Variants in GLDN observed in about 807,000 individuals in gnomAD.
GLDN encodes gliomedin, also known as collomin.
In GLDN, 47 loss-of-function variants were observed where a neutral mutation model predicts 56.5. That is an observed-to-expected ratio of 0.83 (90% CI 0.66 to 1.06). GLDN has a LOEUF of 1.06. Among genes scored for constraint, GLDN ranks in the 50% least tolerant of loss-of-function variants. The pLI is 0.00. For missense variants in GLDN, 782 were observed against 714.3 expected (o/e 1.09, Z -1.08); for synonymous variants, 332 against 278.8 (o/e 1.19, Z -1.90).
At chr15:51,353,093 A>T (rs2037105500) in intron 1 of GLDN, among the ~76,000 whole-genome samples, 1 of 152,158 alleles carries the variant, frequency 6.6e-6, no homozygotes, top group South Asian at 2.1e-4. Flanking sequence ...CTGCATTCTG[A>T]TGGATCAGCT....
At chr15:51,385,131 G>A (rs1274975832) in intron 4 of GLDN, 8 of 152,154 alleles carry the variant, frequency 5.3e-5, no homozygotes, top group South Asian at 2.1e-4. Flanking sequence ...GCAATGGATC[G>A]TTCATATAGG....
At chr15:51,362,911 AGTT>A (rs2037328619) in intron 1 of GLDN, among the ~76,000 whole-genome samples, 1 of 151,950 alleles carries the variant, frequency 6.6e-6, no homozygotes, top group East Asian at 1.9e-4. Flanking sequence ...ATGTGATGTG[AGTT>A]GAGCTGATAA....
rs1204855446 is a variant in GLDN, at chr15:51,397,458, C to G, written c.689-12C>G. ...TGCCTCCTTCTCTCCCTTTCTCTCTCTCTCTCTCCAGGTGCCAAAGGTGAC... is the reference window on the plus strand; with the variant it reads ...TGCCTCCTTCTCTCCCTTTCTCTCTGTCTCTCTCCAGGTGCCAAAGGTGAC... On this transcript the variant is annotated splice_polypyrimidine_tract_variant and intron_variant, in intron 5 of 9. Transcript: ENST00000335449. The G allele has an allele frequency of 2.8e-6, 4 of 1,431,306 alleles. No homozygotes were observed. The highest frequency in any genetic ancestry group is 3.7e-6 in the Non-Finnish European group (4 of 1,079,948). 88.7% of individuals were successfully genotyped at this position (1,431,306 alleles called of 1,614,324 possible).
intron 1 of GLDN, among the ~76,000 whole-genome samples, chr15:51,376,574 A>G (rs975561460): frequency 1.3e-5 from 2 of 152,274 alleles, no homozygotes; most frequent in Non-Finnish European, 1.5e-5. Context: ...ACCTTAGCTT[A>G]CTGTGACATG....
intron 1 of GLDN, among the ~76,000 whole-genome samples, chr15:51,355,993 G>T (rs1389211768): frequency 6.7e-6 from 1 of 149,570 alleles, no homozygotes; most frequent in Admixed American, 6.6e-5. Flanking sequence ...GGATCACGAG[G>T]TCAGAAGATC....
intron 9 of GLDN, 48 bp downstream of exon 9, chr15:51,401,791 G>T: frequency 1.3e-6 from 2 of 1,571,878 alleles, no homozygotes; most frequent in Non-Finnish European, 1.7e-6. Context: ...CAGCACCTGT[G>T]CTGTGGTGCT....
intron 1 of GLDN, among the ~76,000 whole-genome samples, chr15:51,358,162 A>T (rs148755727): frequency 4.6e-5 from 7 of 152,350 alleles, no homozygotes; most frequent in Non-Finnish European, 1.0e-4. Context: ...GCCGAAAACA[A>T]TATAATAGAT....
intron 3 of GLDN, 51 bp from the exon 4 acceptor site, chr15:51,383,734 A>T: frequency 7.9e-7 from 1 of 1,261,746 alleles, no homozygotes; most frequent in Non-Finnish European, 1.1e-6. Context: ...TTCAGTGAAT[A>T]ATTTTTTTTT....
chr15:51,382,552 C>T (rs1400171227), intron 2 of GLDN, among the ~76,000 whole-genome samples: 3 of 148,558 alleles, frequency 2.0e-5, no homozygotes, highest in Non-Finnish European at 4.4e-5. Context: ...CCTGTCTCTA[C>T]TAAAAATACA....
At chr15:51,410,189 A>G (rs568273767), downstream of GLDN, among the ~76,000 whole-genome samples, 1 of 152,346 alleles carries the variant, frequency 6.6e-6, no homozygotes, top group Admixed American at 6.5e-5. Context: ...GCCCAAGTGG[A>G]AAAGTCCTTA....
chr15:51,382,159 G>A (rs1412806114), intron 2 of GLDN, among the ~76,000 whole-genome samples: 2 of 152,024 alleles, frequency 1.3e-5, no homozygotes, highest in Non-Finnish European at 2.9e-5. Context: ...CTTAAGCCCC[G>A]TTTCTTCAAT....
intron 6 of GLDN, among the ~76,000 whole-genome samples, chr15:51,398,514 C>T (rs2038182287): frequency 1.3e-5 from 2 of 152,376 alleles, no homozygotes; most frequent in South Asian, 4.1e-4. Context: ...GGAGGATCCT[C>T]ACTGGAATTT....
Position 51,355,794 on chromosome 15 carries a change from A to G in GLDN, c.363+13747A>G, listed in dbSNP as rs1254542201. On this transcript the variant is annotated intron_variant, in intron 1 of 9. Transcript: ENST00000335449. ...CACCTTGGCCTCCCAAAGTGCTGGG[A>G]TTACAGGCGTGAGCCACCACACCCG... Among the ~76,000 whole-genome samples, 12 of 148,702 alleles carry G rather than the reference A, an allele frequency of 8.1e-5. No individual in the cohort carries two copies. The South Asian group carries it at 2.0e-3, about 25-fold the overall frequency.
At chr15:51,352,345 C>T (rs2037092064) in intron 1 of GLDN, among the ~76,000 whole-genome samples, 1 of 152,116 alleles carries the variant, frequency 6.6e-6, no homozygotes, top group East Asian at 1.9e-4. Context: ...AGTCACCTTC[C>T]AATATCCCCA....
chr15:51,350,331 A>G (rs2037053202), intron 1 of GLDN, among the ~76,000 whole-genome samples: 1 of 152,128 alleles, frequency 6.6e-6, no homozygotes, highest in African/African-American at 2.4e-5. Flanking sequence ...TGCATACCAC[A>G]CTAGGTCCTG....
intron 1 of GLDN, chr15:51,377,233 A>C (rs1259056880): frequency 1.8e-6 from 1 of 563,254 alleles, no homozygotes; most frequent in Non-Finnish European, 3.1e-6. Context: ...TGAGGTTTGC[A>C]GCTCCATTGT....
intron 1 of GLDN, among the ~76,000 whole-genome samples, chr15:51,349,799 C>G (rs2445772): frequency 0.76 from 114,862 of 151,278 alleles, 44,831 homozygotes; most frequent in African/African-American, 0.94. Context: ...GAGTGCAGTG[C>G]TGTGATTTTG....
At chr15:51,375,226 T>A (rs1295858572) in intron 1 of GLDN, among the ~76,000 whole-genome samples, 1 of 152,220 alleles carries the variant, frequency 6.6e-6, no homozygotes, top group Non-Finnish European at 1.5e-5. Flanking sequence ...AAAAATAGTT[T>A]AATGGAAAGA....
rs1384904981 is a variant in GLDN, at chr15:51,355,814, C to T, written c.363+13767C>T. On this transcript the variant is annotated intron_variant, in intron 1 of 9. Coordinates refer to ENST00000335449, the MANE Select transcript of GLDN (RefSeq NM_181789.4). ...CTGGGATTACAGGCGTGAGCCACCA[C>T]ACCCGGCCCTACTGCATGCTGTTTT... is the stretch of plus-strand genomic sequence containing the variant. Among the ~76,000 whole-genome samples, 41 of 150,914 alleles carry T rather than the reference C, an allele frequency of 2.7e-4. 1 individual carries two copies. The highest frequency in any genetic ancestry group is 2.0e-3 in the East Asian group (10 of 4,998).
Sources: allele counts gnomAD v4.1 joint callset (sites outside exome capture counted in the v4.1 genomes callset), GRCh38; gene constraint gnomAD v4.1.1; transcripts MANE v1.5; gene names NCBI Gene and HGNC (gene_info 2026-07-23, HGNC 2026-07-21).